Variants in ANKS1B observed in about 807,000 individuals in gnomAD.
The protein encoded by ANKS1B is ankyrin repeat and sterile alpha motif domain-containing protein 1B.
Under a neutral mutation model 148.3 loss-of-function variants are expected in ANKS1B, and 36 were observed. That is an observed-to-expected ratio of 0.24 (90% CI 0.19 to 0.32). The LOEUF (loss-of-function observed/expected upper bound fraction) is 0.32. Ranked by LOEUF, ANKS1B falls within the 10% of genes least tolerant of loss-of-function variation. The pLI is 1.00. For synonymous variants in ANKS1B, 542 were observed against 560.8 expected, an observed-to-expected ratio of 0.97 and a Z score of 0.47; for missense variants, 1,157 against 1,542.6, an observed-to-expected ratio of 0.75 and a Z score of 4.19.
chr12:99,727,961 C>T (rs1389575927), intron 8 of ANKS1B, among the ~76,000 whole-genome samples: 1 of 152,150 alleles, frequency 6.6e-6, no homozygotes, highest in African/African-American at 2.4e-5. Context: ...AACTGGACCC[C>T]TTCCTTATAC....
chr12:98,948,726 T>TTC (rs144897567), intron 17 of ANKS1B, among the ~76,000 whole-genome samples: 7,209 of 144,764 alleles, frequency 0.05, 211 homozygotes, highest in Admixed American at 0.087. Context: ...TTATGCCAAT[T>TTC]TCTCTCTCTC....
intron 1 of ANKS1B, among the ~76,000 whole-genome samples, chr12:99,939,022 T>C (rs1236133232): frequency 2.6e-5 from 4 of 152,170 alleles, no homozygotes; most frequent in African/African-American, 9.7e-5. Context: ...TCTTAAACAA[T>C]AGCTTATTTG....
At chr12:99,528,509 A>T (rs2096954077) in intron 9 of ANKS1B, among the ~76,000 whole-genome samples, 1 of 152,082 alleles carries the variant, frequency 6.6e-6, no homozygotes, top group African/African-American at 2.4e-5. Context: ...TTTGCAAAGT[A>T]TGCATCTGAC....
intron 15 of ANKS1B, among the ~76,000 whole-genome samples, chr12:99,111,149 A>G (rs1721998548): frequency 6.6e-6 from 1 of 152,192 alleles, no homozygotes; most frequent in African/African-American, 2.4e-5. Context: ...TTACCAAAGA[A>G]CAATGAATTT....
chr12:99,324,741 CT>C, intron 12 of ANKS1B, among the ~76,000 whole-genome samples: 1 of 152,262 alleles, frequency 6.6e-6, no homozygotes, highest in African/African-American at 2.4e-5. Flanking sequence ...AAAGTTACCT[CT>C]TTTCAAGAGA....
intron 8 of ANKS1B, among the ~76,000 whole-genome samples, chr12:99,758,566 A>G (rs2061784933): frequency 6.6e-6 from 1 of 151,826 alleles, no homozygotes. Context: ...CATCAGGGAA[A>G]TATTTACCAG....
chr12:99,177,282 A>C (rs983294412), intron 14 of ANKS1B, among the ~76,000 whole-genome samples: 4 of 152,218 alleles, frequency 2.6e-5, no homozygotes, highest in Admixed American at 2.6e-4. Context: ...CATTGACTTA[A>C]GGGTACCCTA....
intron 9 of ANKS1B, among the ~76,000 whole-genome samples, chr12:99,587,396 C>A (rs938339747): frequency 1.1e-4 from 16 of 152,080 alleles, no homozygotes; most frequent in African/African-American, 3.9e-4. Flanking sequence ...AAATAGAAAG[C>A]CTAAGAAGTT....
intron 1 of ANKS1B, among the ~76,000 whole-genome samples, chr12:99,847,362 C>A (rs2086850324): frequency 1.3e-5 from 2 of 152,152 alleles, no homozygotes; most frequent in Admixed American, 6.5e-5. Context: ...TTCCCCAAGG[C>A]AAGTCATATA....
chr12:99,197,863 T>G (rs1407811724), intron 14 of ANKS1B, among the ~76,000 whole-genome samples: 1 of 152,142 alleles, frequency 6.6e-6, no homozygotes, highest in Admixed American at 6.6e-5. Flanking sequence ...GATAATAAAT[T>G]TTTATCGTTT....
intron 9 of ANKS1B, among the ~76,000 whole-genome samples, chr12:99,527,625 A>G (rs1327486426): frequency 6.6e-6 from 1 of 152,172 alleles, no homozygotes; most frequent in African/African-American, 2.4e-5. Flanking sequence ...AAAATACAGG[A>G]AGAGTAGTTC....
At chr12:98,782,209 A>C in intron 22 of ANKS1B, 72 bp from the exon 23 acceptor site, 1 of 1,263,182 alleles carries the variant, frequency 7.9e-7, no homozygotes. Context: ...GAGAGAGAGG[A>C]AACCATTTCA....
At chr12:99,189,063 C>T (rs572972542) in intron 14 of ANKS1B, among the ~76,000 whole-genome samples, 1 of 152,264 alleles carries the variant, frequency 6.6e-6, no homozygotes, top group East Asian at 1.9e-4. Context: ...ACTATAAACA[C>T]CTCTACATAA....
intron 12 of ANKS1B, among the ~76,000 whole-genome samples, chr12:99,268,391 T>G (rs920867421): frequency 2.0e-5 from 3 of 152,236 alleles, no homozygotes; most frequent in Non-Finnish European, 4.4e-5. Context: ...CTTGTTCACT[T>G]TATTGTAAAT....
At chr12:99,879,450 T>C (rs1468720280) in intron 1 of ANKS1B, among the ~76,000 whole-genome samples, 2 of 152,192 alleles carry the variant, frequency 1.3e-5, no homozygotes, top group Non-Finnish European at 2.9e-5. Flanking sequence ...TAGGGATGAC[T>C]GAAAAATATA....
At chr12:98,790,307 T>C (rs754642368) in intron 22 of ANKS1B, among the ~76,000 whole-genome samples, 6 of 152,192 alleles carry the variant, frequency 3.9e-5, no homozygotes, top group Non-Finnish European at 7.4e-5. Flanking sequence ...ATTCCTGGCT[T>C]AGTTCCATTC....
At chr12:98,768,086 GT>G (rs2098509638) in intron 25 of ANKS1B, among the ~76,000 whole-genome samples, 1 of 152,170 alleles carries the variant, frequency 6.6e-6, no homozygotes, top group Non-Finnish European at 1.5e-5. Flanking sequence ...AGAAGGTGGA[GT>G]TTGGGGAAGC....
chr12:99,681,935 C>T (rs2098621369), intron 8 of ANKS1B, among the ~76,000 whole-genome samples: 1 of 152,108 alleles, frequency 6.6e-6, no homozygotes, highest in Non-Finnish European at 1.5e-5. Flanking sequence ...ATATTCCATG[C>T]AAACAGACAC....
chr12:99,023,435 T>C (rs187880451), intron 17 of ANKS1B, among the ~76,000 whole-genome samples: 2 of 152,224 alleles, frequency 1.3e-5, no homozygotes. Flanking sequence ...CTATTCTGAA[T>C]TGTATTGTTG....
Sources: allele counts gnomAD v4.1 joint callset (sites outside exome capture counted in the v4.1 genomes callset), GRCh38; gene constraint gnomAD v4.1.1; transcripts MANE v1.5; gene names NCBI Gene and HGNC (gene_info 2026-07-23, HGNC 2026-07-21).